KCND2: variants seen among roughly 807,000 people sequenced by gnomAD.
The protein encoded by KCND2 is potassium voltage-gated channel subfamily D member 2, also known as A-type voltage-gated potassium channel KCND2.
Under a neutral mutation model 54.4 loss-of-function variants are expected in KCND2, and 16 were observed. The ratio of observed to expected loss-of-function variants is 0.29; its 90% CI spans 0.20 to 0.45. KCND2 has a LOEUF of 0.45. Ranked by LOEUF, KCND2 falls within the 20% of genes least tolerant of loss-of-function variation. The probability of loss-of-function intolerance (pLI) is 1.00; values close to 1 mark genes in which losing one functional copy is unlikely to be tolerated. For missense variants in KCND2, 486 were observed against 824.2 expected, an observed-to-expected ratio of 0.59 and a Z score of 5.02; for synonymous variants, 317 against 310.7, an observed-to-expected ratio of 1.02 and a Z score of -0.21.
chr7:120,672,613 C>A (rs1792005544), intron 1 of KCND2, among the ~76,000 whole-genome samples: 1 of 152,042 alleles, frequency 6.6e-6, no homozygotes, highest in Non-Finnish European at 1.5e-5. Context: ...CCTGGGTGTA[C>A]CATCCATTGT....
At chr7:120,500,491 T>G (rs1217120341) in intron 1 of KCND2, among the ~76,000 whole-genome samples, 1 of 152,156 alleles carries the variant, frequency 6.6e-6, no homozygotes, top group African/African-American at 2.4e-5. Context: ...AATTCTTGAA[T>G]GTAGTCACAA....
At chr7:120,516,264 T>A (rs999981659) in intron 1 of KCND2, among the ~76,000 whole-genome samples, 1 of 152,144 alleles carries the variant, frequency 6.6e-6, no homozygotes. Flanking sequence ...TTTCCTGGGA[T>A]TTTATTATGT....
At chr7:120,539,618 C>A (rs1370775612) in intron 1 of KCND2, among the ~76,000 whole-genome samples, 1 of 152,118 alleles carries the variant, frequency 6.6e-6, no homozygotes, top group African/African-American at 2.4e-5. Context: ...CAACCTTTAG[C>A]TATTAAGTAT....
intron 1 of KCND2, among the ~76,000 whole-genome samples, chr7:120,577,221 C>A (rs1411403279): frequency 1.3e-5 from 2 of 151,608 alleles, no homozygotes; most frequent in East Asian, 1.9e-4. Context: ...AATGAAAAAT[C>A]TGAGAAGAAA....
chr7:120,526,095 A>G (rs533306833), intron 1 of KCND2, among the ~76,000 whole-genome samples: 3 of 152,162 alleles, frequency 2.0e-5, no homozygotes, highest in Admixed American at 2.0e-4. Context: ...TCTTGACCCA[A>G]TGCCCTCTCC....
chr7:120,596,908 A>G (rs1002363327), intron 1 of KCND2, among the ~76,000 whole-genome samples: 1 of 152,248 alleles, frequency 6.6e-6, no homozygotes, highest in African/African-American at 2.4e-5. Context: ...TACTAATTCT[A>G]TGTGCGAGGC....
At position 120,381,228 on chromosome 7, in the gene KCND2, C is replaced by A. The variant is rs1268341125; in HGVS notation, c.1115+105481C>A. Among the ~76,000 whole-genome samples, 2 of 151,994 alleles carry A rather than the reference C, an allele frequency of 1.3e-5. 1 individual carries two copies. The highest frequency in any genetic ancestry group is 1.3e-4 in the Admixed American group (2 of 15,234). On this transcript the variant is annotated intron_variant, in intron 1 of 5. Transcript: ENST00000331113. ...TGATATCACGCCACTGTACTCCAGCCTGGATGATGGAGTGAGACTGTGTCT... is the reference window on the plus strand; with the variant it reads ...TGATATCACGCCACTGTACTCCAGCATGGATGATGGAGTGAGACTGTGTCT...
intron 1 of KCND2, among the ~76,000 whole-genome samples, chr7:120,678,343 T>TTTTATATATATA (rs10632075): frequency 8.3e-6 from 1 of 120,274 alleles, no homozygotes; most frequent in African/African-American, 3.2e-5. Flanking sequence ...GTATGATTAT[T>TTTTATATATATA]TATATATATA....
chr7:120,328,359 G>T (rs1229163794), intron 1 of KCND2, among the ~76,000 whole-genome samples: 2 of 152,094 alleles, frequency 1.3e-5, no homozygotes, highest in African/African-American at 4.8e-5. Flanking sequence ...AACAGTTGGG[G>T]TTAGCATAAA....
chr7:120,331,688 A>G (rs751269494), intron 1 of KCND2, among the ~76,000 whole-genome samples: 2 of 152,202 alleles, frequency 1.3e-5, no homozygotes, highest in East Asian at 1.9e-4. Context: ...ACTAATATCT[A>G]TACTTTTAAT....
At chr7:120,711,339 C>G (rs1456981537) in intron 1 of KCND2, among the ~76,000 whole-genome samples, 1 of 152,028 alleles carries the variant, frequency 6.6e-6, no homozygotes, top group Non-Finnish European at 1.5e-5. Context: ...ATTATTTATT[C>G]AGTAAAACCA....
intron 1 of KCND2, among the ~76,000 whole-genome samples, chr7:120,634,049 C>T (rs1793272133): frequency 6.6e-6 from 1 of 152,132 alleles, no homozygotes; most frequent in East Asian, 1.9e-4. Context: ...TAGCTAATGT[C>T]ACCATGATCT....
intron 1 of KCND2, among the ~76,000 whole-genome samples, chr7:120,505,866 T>A (rs1438051242): frequency 6.6e-6 from 1 of 151,856 alleles, no homozygotes; most frequent in African/African-American, 2.4e-5. Flanking sequence ...GTTGTTCTTA[T>A]AACATACAAT....
intron 1 of KCND2, among the ~76,000 whole-genome samples, chr7:120,577,580 A>AT (rs1562877768): frequency 6.6e-6 from 1 of 151,920 alleles, no homozygotes; most frequent in Non-Finnish European, 1.5e-5. Flanking sequence ...ACCAAACCGT[A>AT]TTTTTTTGGT....
intron 1 of KCND2, among the ~76,000 whole-genome samples, chr7:120,463,684 G>C (rs552823559): frequency 6.6e-6 from 1 of 152,070 alleles, no homozygotes; most frequent in Non-Finnish European, 1.5e-5. Flanking sequence ...AGCAAAGGAG[G>C]CATCTTTGAT....
intron 1 of KCND2, among the ~76,000 whole-genome samples, chr7:120,431,710 T>A (rs773440154): frequency 6.6e-6 from 1 of 152,204 alleles, no homozygotes; most frequent in African/African-American, 2.4e-5. Flanking sequence ...TAGCAGGACT[T>A]GTACTTTTAC....
chr7:120,390,049 A>G (rs567640629), intron 1 of KCND2, among the ~76,000 whole-genome samples: 1 of 152,050 alleles, frequency 6.6e-6, no homozygotes, highest in Admixed American at 6.6e-5. Context: ...ACATTAATTA[A>G]TGAGGGGAAA....
intron 1 of KCND2, among the ~76,000 whole-genome samples, chr7:120,710,569 C>G (rs960829328): frequency 1.3e-5 from 2 of 152,088 alleles, no homozygotes; most frequent in African/African-American, 4.8e-5. Context: ...TCCCCAGTTT[C>G]TCCTGACATA....
At chr7:120,640,835 T>C (rs1793362416) in intron 1 of KCND2, among the ~76,000 whole-genome samples, 1 of 152,108 alleles carries the variant, frequency 6.6e-6, no homozygotes, top group Admixed American at 6.6e-5. Flanking sequence ...CTGGGGTGCT[T>C]CTCCAAGCCC....
Sources: gnomAD v4.1 joint callset for allele counts (sites outside exome capture counted in the v4.1 genomes callset) on GRCh38, gnomAD v4.1.1 for gene constraint, MANE v1.5 for transcripts, NCBI Gene and HGNC (gene_info 2026-07-23, HGNC 2026-07-21) for gene names.